Variants in CLVS1 observed in about 807,000 individuals in gnomAD.
CLVS1 encodes the protein clavesin 1.
Under a neutral mutation model 33.1 loss-of-function variants are expected in CLVS1, and 10 were observed. The observed-to-expected ratio is 0.30, with a 90% CI of 0.19 to 0.51. The LOEUF is 0.51. Ranked by LOEUF, CLVS1 falls within the 20% of genes least tolerant of loss-of-function variation. The pLI is 0.97. For synonymous variants in CLVS1, 163 were observed against 166.1 expected, an observed-to-expected ratio of 0.98 and a Z score of 0.14; for missense variants, 343 against 433.4, an observed-to-expected ratio of 0.79 and a Z score of 1.85.
intron 1 of CLVS1, among the ~76,000 whole-genome samples, chr8:61,075,117 G>A (rs1205060443): frequency 1.3e-5 from 2 of 152,202 alleles, no homozygotes; most frequent in Admixed American, 6.5e-5. Flanking sequence ...CTGAAGGGAA[G>A]GACTTTCCAG....
intron 2 of CLVS1, among the ~76,000 whole-genome samples, chr8:61,271,387 T>C (rs1335854513): frequency 1.3e-5 from 2 of 150,342 alleles, no homozygotes; most frequent in African/African-American, 4.9e-5. Context: ...AGATAGTTTG[T>C]TATAATTTCT....
intron 2 of CLVS1, among the ~76,000 whole-genome samples, chr8:61,277,998 G>C (rs1003322684): frequency 6.6e-6 from 1 of 152,138 alleles, no homozygotes; most frequent in Non-Finnish European, 1.5e-5. Context: ...ATCATGTCCA[G>C]TCCTAGAAGG....
intron 2 of CLVS1, among the ~76,000 whole-genome samples, chr8:61,354,720 T>C (rs751272424): frequency 2.0e-5 from 3 of 152,194 alleles, no homozygotes; most frequent in Non-Finnish European, 4.4e-5. Context: ...CTAAAAATGC[T>C]AATCCCTAAA....
rs200401753 is a variant in CLVS1, at chr8:61,145,153, CA to C, written c.-152+13294del. On this transcript the variant is annotated intron_variant, in intron 2 of 2. Transcript: ENST00000522621. Reference sequence around the variant, plus strand: ...TCTGCACAGCAAAAGAAACTATTATCAGCATGAAAAGGCAACCTACAGAATG... The same window carrying C: ...TCTGCACAGCAAAAGAAACTATTATCGCATGAAAAGGCAACCTACAGAATG... Among the ~76,000 whole-genome samples the C allele has an allele frequency of 8.6e-3, 1,312 of 152,300 alleles. 25 individuals carry two copies. Among genetic ancestry groups the C allele is most frequent in the African/African-American group, 0.029 (1,201 of 41,578 alleles).
At chr8:61,360,739 C>T (rs553365973) in intron 2 of CLVS1, among the ~76,000 whole-genome samples, 4 of 152,190 alleles carry the variant, frequency 2.6e-5, no homozygotes, top group East Asian at 1.9e-4. Flanking sequence ...TTTATAGCAC[C>T]GATGTGGAAT....
chr8:61,232,023 G>GTTTTT lies in CLVS1; in HGVS notation c.-151-67631_-151-67627dup, dbSNP rs1158042227. Among the ~76,000 whole-genome samples the GTTTTT allele has an allele frequency of 1.4e-4, 9 of 62,646 alleles. 1 individual carries two copies. Among genetic ancestry groups the GTTTTT allele is most frequent in the East Asian group, 7.0e-4 (2 of 2,866 alleles). The allele number at this position is 62,646 out of a possible 152,430, so 41.1% of individuals were successfully genotyped here. ...AGAAGGAGCCCTGAGGAAAGTTGTG[G>GTTTTT]TTTTTTTTTTTTTTTTTTTTTTTTT... On this transcript the variant is annotated intron_variant, in intron 2 of 2. Coordinates refer to the CLVS1 transcript ENST00000522621.
intron 2 of CLVS1, among the ~76,000 whole-genome samples, chr8:61,357,382 A>T (rs1173237562): frequency 2.0e-5 from 3 of 152,092 alleles, no homozygotes; most frequent in Non-Finnish European, 4.4e-5. Flanking sequence ...ACAACCATGC[A>T]AAATGATGAC....
At chr8:61,313,611 C>G (rs1276702483) in intron 2 of CLVS1, among the ~76,000 whole-genome samples, 2 of 152,158 alleles carry the variant, frequency 1.3e-5, no homozygotes, top group African/African-American at 4.8e-5. Context: ...CTCCTGGAGA[C>G]AGGGAACTGT....
intron 2 of CLVS1, among the ~76,000 whole-genome samples, chr8:61,312,278 A>G (rs1810856488): frequency 6.6e-6 from 1 of 152,218 alleles, no homozygotes; most frequent in African/African-American, 2.4e-5. Context: ...CACTCAGAAC[A>G]GTGATATACA....
chr8:61,385,085 G>A (rs184123042), intron 3 of CLVS1, among the ~76,000 whole-genome samples: 28 of 152,258 alleles, frequency 1.8e-4, no homozygotes, highest in Admixed American at 1.3e-3. Flanking sequence ...AGAGGAAACC[G>A]GAGGAAAGGG....
At chr8:61,043,638 G>C in the CLVS1 span, among the ~76,000 whole-genome samples, 1 of 152,174 alleles carries the variant, frequency 6.6e-6, no homozygotes, top group Non-Finnish European at 1.5e-5. Context: ...AACTGGGATG[G>C]ACAACAGTAC....
chr8:61,372,995 A>T (rs1310814424), intron 2 of CLVS1, among the ~76,000 whole-genome samples: 1 of 151,922 alleles, frequency 6.6e-6, no homozygotes, highest in Non-Finnish European at 1.5e-5. Flanking sequence ...TCTATACTGT[A>T]CTCTTTGAAG....
At chr8:61,365,754 GGT>G (rs35496931) in intron 2 of CLVS1, among the ~76,000 whole-genome samples, 4,106 of 148,438 alleles carry the variant, frequency 0.028, 155 homozygotes, top group African/African-American at 0.09. Context: ...CAGTTTACAG[GGT>G]GTGTGTGTGT....
chr8:61,089,600 G>A (rs1454069248), intron 1 of CLVS1, among the ~76,000 whole-genome samples: 1 of 152,180 alleles, frequency 6.6e-6, no homozygotes, highest in Non-Finnish European at 1.5e-5. Flanking sequence ...GGTCCTTGGA[G>A]CTATCACTTT....
At chr8:61,409,072 T>C (rs1815113911) in intron 3 of CLVS1, among the ~76,000 whole-genome samples, 2 of 152,178 alleles carry the variant, frequency 1.3e-5, no homozygotes, top group African/African-American at 4.8e-5. Context: ...AAAAACCATT[T>C]TGAGTTTTGT....
the CLVS1 span, among the ~76,000 whole-genome samples, chr8:60,999,270 C>A: frequency 1.3e-5 from 2 of 152,098 alleles, no homozygotes; most frequent in African/African-American, 4.8e-5. Context: ...GGCAGAGAGC[C>A]AAGAGAAGAG....
chr8:61,126,842 G>A lies in CLVS1; in HGVS notation c.-242-4928G>A, dbSNP rs368241311. ...TTACACAACCTCTCTCTACATTGCT[G>A]ACAAATCTTGGATTGACATGATCCA... On this transcript the variant is annotated intron_variant, in intron 1 of 2. Coordinates refer to the CLVS1 transcript ENST00000522621. 1.1e-4 allele frequency among the ~76,000 whole-genome samples: 17 copies of A among 152,282 alleles called. No homozygotes were observed. The East Asian group carries it at 3.1e-3, about 28-fold the overall frequency.
At chr8:61,262,858 C>T (rs904054861) in intron 2 of CLVS1, among the ~76,000 whole-genome samples, 6 of 152,168 alleles carry the variant, frequency 3.9e-5, no homozygotes, top group African/African-American at 1.4e-4. Context: ...CAGCAGCAAA[C>T]AGCACTCGTT....
intron 2 of CLVS1, among the ~76,000 whole-genome samples, chr8:61,168,834 T>A (rs1022286250): frequency 3.3e-5 from 5 of 152,266 alleles, no homozygotes; most frequent in African/African-American, 1.2e-4. Context: ...TGCTACTGCA[T>A]ACCCTGCTCC....
Sources: gnomAD v4.1 joint callset for allele counts (sites outside exome capture counted in the v4.1 genomes callset) on GRCh38, gnomAD v4.1.1 for gene constraint, MANE v1.5 for transcripts, NCBI Gene and HGNC (gene_info 2026-07-23, HGNC 2026-07-21) for gene names.